The following ADGRG1 variants were observed in gnomAD, a reference collection of about 807,000 sequenced individuals.
ADGRG1 encodes adhesion G protein-coupled receptor G1, also known as 7-transmembrane protein with no EGF-like N-terminal domains-1.
ADGRG1 carries 53 observed loss-of-function variants against 73.5 expected under a neutral mutation model. The ratio of observed to expected loss-of-function variants is 0.72; its 90% CI spans 0.58 to 0.91. ADGRG1 has a LOEUF of 0.91. ADGRG1 is among the 40% of genes least tolerant of loss of function. The pLI, the probability that ADGRG1 is intolerant of heterozygous loss-of-function variation, is 0.00. For missense variants in ADGRG1, 795 were observed against 871.8 expected (o/e 0.91, Z 1.11); for synonymous variants, 394 against 374.4 (o/e 1.05, Z -0.60).
chr16:57,631,562 C>G (rs2037921542), intron 1 of ADGRG1: 1 of 985,458 alleles, frequency 1.0e-6, no homozygotes, highest in African/African-American at 1.7e-5. Flanking sequence ...GGGCTCAGCC[C>G]CCGTCCCCAT....
chr16:57,659,695 C>CG lies in ADGRG1; in HGVS notation c.1555+20dup. The CG allele has an allele frequency of 6.2e-7, 1 of 1,612,846 alleles. No individual in the cohort carries two copies. Among genetic ancestry groups the CG allele is most frequent in the Non-Finnish European group, 8.5e-7 (1 of 1,179,600 alleles). On this transcript the variant is annotated intron_variant, in intron 11 of 13. Transcript: ENST00000562631. ...CCATGGGCTGGGGTAAGTGGTTGGG[C>CG]GGGGGGTGCCTCAGACCTGCCTCTC...
intron 10 of ADGRG1, 101 bp from the exon 11 acceptor site, chr16:57,659,312 C>T (rs1300644899): frequency 2.7e-5 from 43 of 1,594,392 alleles, no homozygotes; most frequent in East Asian, 1.8e-4. Flanking sequence ...ATGTGTGTGT[C>T]GGGGTGGGGG....
chr16:57,639,683 C>T (rs759975974), intron 1 of ADGRG1: 35 of 983,582 alleles, frequency 3.6e-5, no homozygotes, highest in Middle Eastern at 5.1e-4. Context: ...ACGATTCTCC[C>T]GCCTCCTCTC....
intron 7 of ADGRG1, 70 bp downstream of exon 7, chr16:57,656,062 C>A: frequency 6.2e-7 from 1 of 1,613,678 alleles, no homozygotes; most frequent in Non-Finnish European, 8.5e-7. Context: ...TCCCTCCCTC[C>A]AGACTCATTT....
chr16:57,651,096 T>A (rs1233529504), intron 2 of ADGRG1, 104 bp from the exon 3 acceptor site: 1 of 1,600,506 alleles, frequency 6.2e-7, no homozygotes, highest in Middle Eastern at 1.7e-4. Flanking sequence ...TGTGTGTGAA[T>A]CTCAGGCTCC....
chr16:57,645,071 A>C (rs369540471), intron 1 of ADGRG1: 6 of 985,156 alleles, frequency 6.1e-6, no homozygotes, highest in African/African-American at 1.7e-5. Context: ...ACGCACACAC[A>C]CCCACATGCC....
In ADGRG1 at chr16:57,651,693, G is replaced by A. The variant is rs1326835942; in HGVS notation, c.487+71G>A. 2.9e-5 allele frequency: 45 copies of A among 1,535,224 alleles called. No individual in the cohort carries two copies. In the Admixed American group the frequency reaches 8.1e-4, roughly 28 times the overall value. The stretch of plus-strand genomic sequence containing the variant: ...AGGCAGGGAAGGCAAAATGCAAAGT[G>A]GACTGGGCTCACAATATCAGATCAT... On this transcript the variant is annotated intron_variant, in intron 3 of 13. Transcript: ENST00000562631.
At chr16:57,650,803 G>A (rs1032300904) in intron 2 of ADGRG1, among the ~76,000 whole-genome samples, 7 of 144,806 alleles carry the variant, frequency 4.8e-5, no homozygotes, top group Middle Eastern at 3.5e-3. Context: ...CCGCCTCCCG[G>A]GTTCACGCCA....
intron 1 of ADGRG1, chr16:57,645,169 G>A (rs896078548): frequency 3.0e-5 from 30 of 985,312 alleles, no homozygotes; most frequent in South Asian, 1.9e-4. Context: ...GCTCAGTGTC[G>A]TGCCCCAGCA....
chr16:57,635,508 C>T, intron 1 of ADGRG1: 1 of 985,308 alleles, frequency 1.0e-6, no homozygotes, highest in Non-Finnish European at 1.2e-6. Flanking sequence ...GGTGGCATGC[C>T]CCAGGGTCCC....
intron 1 of ADGRG1, chr16:57,645,461 G>A: frequency 7.5e-6 from 3 of 400,424 alleles, no homozygotes; most frequent in Non-Finnish European, 1.0e-5. Context: ...GGGAGCCACA[G>A]AGGAGCCTGA....
At chr16:57,632,535 G>C (rs1222154239) in intron 1 of ADGRG1, among the ~76,000 whole-genome samples, 1 of 152,172 alleles carries the variant, frequency 6.6e-6, no homozygotes, top group Non-Finnish European at 1.5e-5. Flanking sequence ...GCTGTATTGA[G>C]GCCCAGAGAT....
intron 12 of ADGRG1, chr16:57,661,310 CA>C: frequency 1.7e-5 from 17 of 985,318 alleles, no homozygotes; most frequent in Non-Finnish European, 1.9e-5. Flanking sequence ...AGTCCTTCTC[CA>C]CTCACCTGAT....
At chr16:57,656,102 A>G (rs1209451927) in intron 7 of ADGRG1, 110 bp downstream of exon 7, 52 of 1,612,940 alleles carry the variant, frequency 3.2e-5, no homozygotes, top group Non-Finnish European at 4.4e-5. Flanking sequence ...TGCCTGATCG[A>G]GCAGTCAGGT....
At chr16:57,647,250 T>G in intron 1 of ADGRG1, 2 of 985,242 alleles carry the variant, frequency 2.0e-6, no homozygotes, top group Non-Finnish European at 2.4e-6. Context: ...GGAGGGAAGT[T>G]TTCTGGGTGG....
intron 1 of ADGRG1, among the ~76,000 whole-genome samples, chr16:57,644,413 C>A (rs1318793404): frequency 3.3e-5 from 5 of 150,986 alleles, no homozygotes; most frequent in African/African-American, 1.2e-4. Context: ...TGCATGGGCA[C>A]ACACACTCGT....
In ADGRG1 at chr16:57,659,435, A is replaced by G. The variant is rs2046531812; in HGVS notation, c.1309A>G (p.Ile437Val). The G allele has an allele frequency of 6.2e-7, 1 of 1,613,882 alleles. No individual in the cohort carries two copies. Among genetic ancestry groups the G allele is most frequent in the East Asian group, 2.2e-5 (1 of 44,872 alleles). Reference protein sequence around the residue: ...CSRRKPRDYTIKVHMNLLLAV... With the variant: ...CSRRKPRDYTVKVHMNLLLAV... ...CAGGAGGAAACCTCGGGACTACACCATCAAGGTGCACATGAACCTGCTGCT... is the reference window on the plus strand; with the variant it reads ...CAGGAGGAAACCTCGGGACTACACCGTCAAGGTGCACATGAACCTGCTGCT... Residue 437 changes from isoleucine to valine, a missense_variant, in exon 11 of 14, where the codon ATC becomes GTC. By Grantham distance (29) the Ile-to-Val change is conservative (BLOSUM62 3). Coordinates refer to ENST00000562631, the MANE Select transcript of ADGRG1 (RefSeq NM_201525.4).
intron 1 of ADGRG1, chr16:57,636,394 T>C (rs1810200044): frequency 1.0e-6 from 1 of 985,214 alleles, no homozygotes; most frequent in African/African-American, 1.7e-5. Flanking sequence ...AGAGCCTTTA[T>C]CGGGAAAACA....
chr16:57,643,815 G>A, intron 1 of ADGRG1: 1 of 984,498 alleles, frequency 1.0e-6, no homozygotes, highest in Non-Finnish European at 1.2e-6. Context: ...GGGAATGGGG[G>A]AGGGGAGTGG....
Sources: gnomAD v4.1 joint callset for allele counts (sites outside exome capture counted in the v4.1 genomes callset) on GRCh38, gnomAD v4.1.1 for gene constraint, MANE v1.5 for transcripts, NCBI Gene and HGNC (gene_info 2026-07-23, HGNC 2026-07-21) for gene names.